Variants in ZNF521 observed in about 807,000 individuals in gnomAD.
ZNF521 encodes zinc finger protein 521.
A neutral mutation model predicts 105.5 loss-of-function variants in ZNF521; 14 were observed. The ratio of observed to expected loss-of-function variants is 0.13; its 90% confidence interval spans 0.09 to 0.21. The LOEUF is 0.21. Ranked by LOEUF, ZNF521 falls within the 10% of genes least tolerant of loss-of-function variation. ZNF521 has a pLI of 1.00. For synonymous variants in ZNF521, 635 were observed against 606.0 expected, an observed-to-expected ratio of 1.05 and a Z score of -0.70; for missense variants, 1,233 against 1,629.7, an observed-to-expected ratio of 0.76 and a Z score of 4.19.
chr18:25,202,063 ACTGT>A (rs1441097425), intron 4 of ZNF521: 1 of 152,146 alleles, frequency 6.6e-6, no homozygotes, highest in Non-Finnish European at 1.5e-5. Context: ...TATGATATAA[ACTGT>A]CTGTTGTCAA....
rs112023752 is a variant in ZNF521 at position 25,227,821 on chromosome 18, A to T, written c.221-124T>A. ...GAATCTTTCAAGAAAAAACAAAATG[A>T]AAAGAGAGAATATTTGAGTGAGACA... is the stretch of plus-strand genomic sequence containing the variant. On this transcript the variant is annotated intron_variant, in intron 3 of 7. Transcript: ENST00000361524. This position sits in a 1 kb window ranked among gnomAD's most constrained non-coding sequence, Gnocchi z 5.7. 1.7e-3 allele frequency: 1,338 copies of T among 771,346 alleles called. 14 individuals carry two copies. In the African/African-American group the frequency reaches 0.021, roughly 12 times the overall value. 47.8% of individuals were successfully genotyped at this position (771,346 alleles called of 1,614,324 possible). A position where few individuals can be genotyped will look rare whatever the true frequency, so the allele number is the denominator to read the frequency against.
At chr18:25,275,937 G>A (rs1024946363) in intron 3 of ZNF521, among the ~76,000 whole-genome samples, 8 of 152,148 alleles carry the variant, frequency 5.3e-5, no homozygotes, top group South Asian at 4.1e-4. Context: ...AGACGTCCAG[G>A]GAAGCTGCTA....
intron 4 of ZNF521, among the ~76,000 whole-genome samples, chr18:25,206,419 T>G (rs764174212): frequency 2.0e-5 from 3 of 152,144 alleles, no homozygotes; most frequent in Non-Finnish European, 4.4e-5. Flanking sequence ...TCCTTCTACT[T>G]CTCTTTAGAT....
intron 3 of ZNF521, among the ~76,000 whole-genome samples, chr18:25,276,927 A>G (rs1910066572): frequency 2.0e-5 from 3 of 152,236 alleles, no homozygotes; most frequent in Non-Finnish European, 4.4e-5. Flanking sequence ...TCACGCCTAT[A>G]ATCCCAGCAC....
At chr18:25,088,010 A>G (rs927844646) in intron 7 of ZNF521, among the ~76,000 whole-genome samples, 10 of 152,174 alleles carry the variant, frequency 6.6e-5, no homozygotes, top group Non-Finnish European at 1.2e-4. Flanking sequence ...GGAAGCACGA[A>G]GTTGCCCCAG....
At chr18:25,304,522 T>C (rs761226612) in intron 3 of ZNF521, among the ~76,000 whole-genome samples, 5 of 152,206 alleles carry the variant, frequency 3.3e-5, no homozygotes, top group Non-Finnish European at 7.3e-5. Context: ...CTCTTCAATA[T>C]TCTGAGTGTG....
chr18:25,166,947 AATG>A (rs1384269051), intron 5 of ZNF521, among the ~76,000 whole-genome samples: 1 of 152,220 alleles, frequency 6.6e-6, no homozygotes, highest in Non-Finnish European at 1.5e-5. Context: ...GTTGGAAAAT[AATG>A]ATTACTTTTT....
At chr18:25,080,224 A>C (rs897881657) in intron 7 of ZNF521, among the ~76,000 whole-genome samples, 1 of 152,216 alleles carries the variant, frequency 6.6e-6, no homozygotes, top group Non-Finnish European at 1.5e-5. Flanking sequence ...TCAATGAAGG[A>C]GACCTGTTAT....
intron 3 of ZNF521, among the ~76,000 whole-genome samples, chr18:25,239,769 G>C (rs1490995367): frequency 6.6e-6 from 1 of 152,138 alleles, no homozygotes; most frequent in Non-Finnish European, 1.5e-5. Context: ...TCTGTTGTCA[G>C]AGCTGGAAAT....
intron 7 of ZNF521, among the ~76,000 whole-genome samples, chr18:25,077,110 G>A (rs1232809984): frequency 6.6e-6 from 1 of 152,206 alleles, no homozygotes; most frequent in Admixed American, 6.5e-5. Flanking sequence ...ACACTGGGCT[G>A]TCCTAGCAAA....
Position 25,224,887 on chromosome 18 carries a change from G to C in ZNF521, c.3031C>G (p.Pro1011Ala), listed in dbSNP as rs530269827. The stretch of plus-strand genomic sequence containing the variant: ...CCTGTCAGGGAATTCCTCAAGTCAG[G>C]GTGCATTTGGCAATGCTCTAAAAAC... ...EEFLEHCQMH[P>A]DLRNSLTGFR... is the part of the protein sequence containing the mutation. The change falls in exon 4 of 8, where the codon CCT becomes GCT. Residue 1011 changes from proline (P) to alanine (A), a missense_variant. Physicochemically the swap from Pro to Ala is conservative, Grantham distance 27 (BLOSUM62 -1). This residue lies in a region of ZNF521 where 614 missense variants were observed against 751.5 expected (regional missense o/e 0.82). Coordinates refer to ENST00000361524, the MANE Select transcript of ZNF521 (RefSeq NM_015461.3). 1.1e-5 allele frequency: 18 copies of C among 1,613,880 alleles called. No individual in the cohort carries two copies. In the South Asian group the frequency reaches 1.6e-4, roughly 15 times the overall value.
chr18:25,207,042 CCCATT>C (rs2036093444), intron 4 of ZNF521, among the ~76,000 whole-genome samples: 1 of 151,446 alleles, frequency 6.6e-6, no homozygotes, highest in Non-Finnish European at 1.5e-5. Context: ...CAAAACCTTC[CCCATT>C]CATTATCCCG....
chr18:25,199,387 A>AT, intron 4 of ZNF521, among the ~76,000 whole-genome samples: 1 of 151,926 alleles, frequency 6.6e-6, no homozygotes, highest in African/African-American at 2.4e-5. Flanking sequence ...GGAAACAGCT[A>AT]TAAGAAGGCT....
chr18:25,130,588 T>G (rs1434573394), intron 5 of ZNF521, among the ~76,000 whole-genome samples: 1 of 152,112 alleles, frequency 6.6e-6, no homozygotes, highest in Non-Finnish European at 1.5e-5. Context: ...AATATGGAAA[T>G]GGTACTTTCT....
At chr18:25,164,218 C>T (rs2035298505) in intron 5 of ZNF521, among the ~76,000 whole-genome samples, 1 of 152,152 alleles carries the variant, frequency 6.6e-6, no homozygotes, top group Non-Finnish European at 1.5e-5. Flanking sequence ...GTAAATACTC[C>T]TGCAGCTTCT....
intron 2 of ZNF521, among the ~76,000 whole-genome samples, chr18:25,328,553 T>C (rs1913372331): frequency 6.0e-5 from 9 of 150,106 alleles, no homozygotes. Context: ...ATTTTTTTAT[T>C]AATTTTTTTT....
chr18:25,272,434 T>C (rs1476457420), intron 3 of ZNF521, among the ~76,000 whole-genome samples: 2 of 152,122 alleles, frequency 1.3e-5, no homozygotes. Context: ...AGGATTATAA[T>C]TCATTGTACT....
In ZNF521 at chr18:25,197,016, CT is replaced by C. The variant is rs561199208; in HGVS notation, c.3574-1773del. On this transcript the variant is annotated intron_variant, in intron 4 of 7. Transcript: ENST00000361524. ...AATATGTTGGCAGAATATACTAGGG[CT>C]TTTTTTTCCCCAGTCTAATAATAAA... Among the ~76,000 whole-genome samples the C allele has an allele frequency of 1.3e-4, 19 of 151,452 alleles. 1 individual carries two copies. Among genetic ancestry groups the C allele is most frequent in the African/African-American group, 3.9e-4 (16 of 41,380 alleles).
chr18:25,228,148 G>A (rs554222042), intron 3 of ZNF521, among the ~76,000 whole-genome samples: 6 of 152,292 alleles, frequency 3.9e-5, no homozygotes, highest in Non-Finnish European at 5.9e-5. Context: ...CAACCCAGAT[G>A]TCTAATATTT....
Sources: gnomAD v4.1 joint callset for allele counts (sites outside exome capture counted in the v4.1 genomes callset) on GRCh38, gnomAD v4.1.1 for gene constraint, gnomAD v4.1.1 regional missense constraint, Gnocchi (gnomAD v3.1) non-coding constraint, MANE v1.5 for transcripts, NCBI Gene and HGNC (gene_info 2026-07-23, HGNC 2026-07-21) for gene names.